The following SGSM2 variants were observed in gnomAD, a reference collection of about 807,000 sequenced individuals.
SGSM2 encodes small G protein signaling modulator 2, also known as RUN and TBC1 domain containing 1.
In SGSM2, 89 loss-of-function variants were observed where a neutral mutation model predicts 126.6. The observed-to-expected ratio is 0.70, with a 90% CI of 0.59 to 0.84. The LOEUF (loss-of-function observed/expected upper bound fraction) is 0.84, where lower values mean the gene tolerates loss of function less well. SGSM2 is among the 40% of genes least tolerant of loss of function. The pLI is 0.00. For synonymous variants in SGSM2, 614 were observed against 574.3 expected (o/e 1.07, Z -0.99); for missense variants, 1,404 against 1,416.6 (o/e 0.99, Z 0.14).
In SGSM2 at chr17:2,345,489, A is replaced by G. The variant is rs529639023; in HGVS notation, c.133+1869A>G. Among the ~76,000 whole-genome samples the G allele has an allele frequency of 5.3e-3, 803 of 150,922 alleles. 3 individuals carry two copies. Among genetic ancestry groups the G allele is most frequent in the Middle Eastern group, 0.017 (5 of 294 alleles). On this transcript the variant is annotated intron_variant, in intron 2 of 23. Coordinates refer to ENST00000268989, the MANE Select transcript of SGSM2 (RefSeq NM_014853.3). The stretch of plus-strand genomic sequence containing the variant: ...CGGGCGCCTGTAGTCCCAGCTACTC[A>G]GGAGGCTGAGGCAGGAGAATGGCGT...
At chr17:2,371,467 G>A (rs1479473538) in intron 13 of SGSM2, 52 bp downstream of exon 13, 18 of 1,540,350 alleles carry the variant, frequency 1.2e-5, no homozygotes, top group South Asian at 2.5e-5. Flanking sequence ...CCAGCCACGT[G>A]TGTGTCCGTC....
Position 2,372,867 on chromosome 17 carries a change from A to G in SGSM2, c.1789-86A>G, listed in dbSNP as rs558110892. ...CAGCAGTCACTACAGGCCCCGCCCCAGCCCATTCTCCGTGGGATGGGGCTC... is the reference window on the plus strand; with the variant it reads ...CAGCAGTCACTACAGGCCCCGCCCCGGCCCATTCTCCGTGGGATGGGGCTC... On this transcript the variant is annotated intron_variant, in intron 15 of 23. Transcript: ENST00000268989. This position sits in a 1 kb window ranked among gnomAD's most constrained non-coding sequence, Gnocchi z 6.0. The G allele has an allele frequency of 5.8e-5, 88 of 1,507,414 alleles. No individual in the cohort carries two copies. The Middle Eastern group carries it at 1.2e-3, about 21-fold the overall frequency. 93.4% of individuals were successfully genotyped at this position (1,507,414 alleles called of 1,614,324 possible). A position where few individuals can be genotyped will look rare whatever the true frequency, so the allele number is the denominator to read the frequency against.
At chr17:2,347,299 G>T (rs4790077) in intron 2 of SGSM2, among the ~76,000 whole-genome samples, 6 of 151,826 alleles carry the variant, frequency 4.0e-5, no homozygotes, top group Admixed American at 2.6e-4. Context: ...AGAGACAGGG[G>T]TTTCACCATG....
At chr17:2,359,041 C>CTAA (rs1373936303) in intron 2 of SGSM2, among the ~76,000 whole-genome samples, 1 of 151,998 alleles carries the variant, frequency 6.6e-6, no homozygotes, top group Non-Finnish European at 1.5e-5. Flanking sequence ...CCACGCCCAG[C>CTAA]TAATTTTTTG....
Position 2,363,652 on chromosome 17 carries a change from C to A in SGSM2, c.807+53C>A. On this transcript the variant is annotated intron_variant, in intron 7 of 23. Coordinates refer to ENST00000268989, the MANE Select transcript of SGSM2 (RefSeq NM_014853.3). This position sits in a 1 kb window ranked among gnomAD's most constrained non-coding sequence, Gnocchi z 4.2. ...CCCCGAAGGTCCCCGAACGAGACGA[C>A]TGGAAGCCTCTAGCCATGGCTATTC... 2 of 1,598,226 alleles carry A rather than the reference C, an allele frequency of 1.3e-6. No homozygotes were observed. The highest frequency in any genetic ancestry group is 1.1e-5 in the South Asian group (1 of 89,910).
chr17:2,365,682 T>C (rs372208876), intron 11 of SGSM2, among the ~76,000 whole-genome samples: 4 of 151,794 alleles, frequency 2.6e-5, no homozygotes, highest in South Asian at 4.2e-4. Context: ...GAACCCTCCA[T>C]TGCTCTTCAC....
chr17:2,337,822 C>A lies in SGSM2; in HGVS notation c.57+77C>A. 2.6e-6 allele frequency: 3 copies of A among 1,142,638 alleles called. No homozygotes were observed. Among genetic ancestry groups the A allele is most frequent in the Non-Finnish European group, 2.3e-6 (2 of 859,824 alleles). The allele number at this position is 1,142,638 out of a possible 1,614,324, so 70.8% of individuals were successfully genotyped here. A position where few individuals can be genotyped will look rare whatever the true frequency, so the allele number is the denominator to read the frequency against. On this transcript the variant is annotated intron_variant, in intron 1 of 23. Coordinates refer to ENST00000268989, the MANE Select transcript of SGSM2 (RefSeq NM_014853.3). The surrounding 1 kb of genome is among the most constrained non-coding windows in gnomAD (Gnocchi z 5.1). ...CAGGGGGCAGAAAGGTCCGCGCCCA[C>A]CCCCCGGCGCGGGCACCCGGGCCGA... is the stretch of plus-strand genomic sequence containing the variant.
At chr17:2,361,179 G>A (rs963335532) in intron 2 of SGSM2, among the ~76,000 whole-genome samples, 2 of 152,206 alleles carry the variant, frequency 1.3e-5, no homozygotes, top group Non-Finnish European at 2.9e-5. Context: ...GGCCACTGTC[G>A]GGTCCAAGCT....
At position 2,337,963 on chromosome 17, in the gene SGSM2, C is replaced by G. The variant is rs1342979090; in HGVS notation, c.57+218C>G. Among the ~76,000 whole-genome samples the G allele has an allele frequency of 6.6e-6, 1 of 152,022 alleles. No homozygotes were observed. The highest frequency in any genetic ancestry group is 1.9e-4 in the East Asian group (1 of 5,130). On this transcript the variant is annotated intron_variant, in intron 1 of 23. Transcript: ENST00000268989. This position sits in a 1 kb window ranked among gnomAD's most constrained non-coding sequence, Gnocchi z 5.1. ...CCGGCCGGCGCTCCCGGCTTGTTTG[C>G]TTCGCAGCCCCGCAGCTCCCCGCCC...
In SGSM2 at chr17:2,373,328, C is replaced by T. The variant is rs1177222049; in HGVS notation, c.1918-3C>T. The stretch of plus-strand genomic sequence containing the variant: ...CCATGGTCGTGGTGTGGTCTGAGTA[C>T]AGGTGGACGCAGTGGTGGCAGCAAG... On this transcript the variant is annotated splice_region_variant and splice_polypyrimidine_tract_variant and intron_variant, in intron 16 of 23. Transcript: ENST00000268989. The T allele has an allele frequency of 1.1e-5, 18 of 1,611,228 alleles. No homozygotes were observed. The highest frequency in any genetic ancestry group is 1.5e-5 in the Non-Finnish European group (18 of 1,179,272).
intron 19 of SGSM2, 45 bp from the exon 20 acceptor site, chr17:2,376,688 G>A (rs972241286): frequency 3.2e-5 from 52 of 1,603,126 alleles, no homozygotes; most frequent in Middle Eastern, 3.3e-4. Flanking sequence ...CCCGAGGGAG[G>A]GAAGAATGGG....
rs1186714454 is a variant in SGSM2 at position 2,380,479 on chromosome 17, G to A, written c.*959G>A. 7 of 658,356 alleles carry A rather than the reference G, an allele frequency of 1.1e-5. No individual in the cohort carries two copies. The highest frequency in any genetic ancestry group is 1.3e-5 in the Non-Finnish European group (5 of 370,670). 40.8% of individuals were successfully genotyped at this position (658,356 alleles called of 1,614,324 possible). On this transcript the variant is annotated 3_prime_UTR_variant, in exon 24 of 24. Coordinates refer to ENST00000268989, the MANE Select transcript of SGSM2 (RefSeq NM_014853.3). ...CCTGAGACTGCGGGAGGCAGGGGAT[G>A]CATGGGTGTCCCCATCTGTCCCTGG...
At chr17:2,377,483 CAAA>C (rs11339431) in intron 21 of SGSM2, 111 of 112,470 alleles carry the variant, frequency 9.9e-4, no homozygotes, top group South Asian at 4.7e-3. Flanking sequence ...GACTCTGTCT[CAAA>C]AAAAAAAAAA....
At chr17:2,366,618 A>C (rs1462636236) in intron 11 of SGSM2, 1 of 152,322 alleles carries the variant, frequency 6.6e-6, no homozygotes, top group Non-Finnish European at 1.5e-5. Context: ...CACACTTGGC[A>C]CTTAGTCTCA....
chr17:2,338,043 C>T (rs1010757344), intron 1 of SGSM2, among the ~76,000 whole-genome samples: 16 of 151,866 alleles, frequency 1.1e-4, no homozygotes, highest in Non-Finnish European at 2.2e-4. Flanking sequence ...GCGGCGATGG[C>T]GGGGATGGCT....
intron 1 of SGSM2, among the ~76,000 whole-genome samples, chr17:2,338,711 C>T (rs1278504223): frequency 2.0e-5 from 3 of 150,752 alleles, no homozygotes; most frequent in Admixed American, 1.3e-4. Flanking sequence ...GTTTGGAAAG[C>T]ATACATTTTG....
Position 2,364,883 on chromosome 17 carries a change from A to C in SGSM2, c.1001-14A>C. ...CGAGAGGGCCTCAGCCGCACTCTCC[A>C]CGTTCACCCCCAGAGAGCGGTGGCA... is the stretch of plus-strand genomic sequence containing the variant. On this transcript the variant is annotated splice_polypyrimidine_tract_variant and intron_variant, in intron 9 of 23. Transcript: ENST00000268989. 2 of 1,606,456 alleles carry C rather than the reference A, an allele frequency of 1.2e-6. No homozygotes were observed. The highest frequency in any genetic ancestry group is 2.2e-5 in the South Asian group (2 of 91,044).
In SGSM2 at chr17:2,379,214, G is replaced by C. The variant is rs2066312968; in HGVS notation, c.3067+11G>C. 3.1e-6 allele frequency: 5 copies of C among 1,613,800 alleles called. No homozygotes were observed. Among genetic ancestry groups the C allele is most frequent in the Non-Finnish European group, 4.2e-6 (5 of 1,179,850 alleles). On this transcript the variant is annotated intron_variant, in intron 23 of 23. Transcript: ENST00000268989. ...TCAAGTTTTTCAATGGTACGAGCTG[G>C]TCCAGCCATCCAGGCTGCCCTGAGC...
chr17:2,364,109 A>G lies in SGSM2; in HGVS notation c.858A>G (p.Ala286=), dbSNP rs752290116. Residue 286 remains alanine (A), a synonymous_variant, in exon 8 of 24, where the codon GCA becomes GCG. Coordinates refer to ENST00000268989, the MANE Select transcript of SGSM2 (RefSeq NM_014853.3). The part of the protein sequence containing the change: ...VPGYLSLHQS[A]ESLTLKWTPN... ...GCTACCTCTCCCTGCACCAGTCTGC[A>G]GAGAGCCTGACTCTGAAGTGGACCC... 26 of 1,613,924 alleles carry G rather than the reference A, an allele frequency of 1.6e-5. 1 individual carries two copies. In the South Asian group the frequency reaches 2.9e-4, roughly 18 times the overall value.
Sources: gnomAD v4.1 joint callset for allele counts (sites outside exome capture counted in the v4.1 genomes callset) on GRCh38, gnomAD v4.1.1 for gene constraint, Gnocchi (gnomAD v3.1) non-coding constraint, MANE v1.5 for transcripts, NCBI Gene and HGNC (gene_info 2026-07-23, HGNC 2026-07-21) for gene names.